HHLA1: variants seen among roughly 807,000 people sequenced by gnomAD.
HHLA1 encodes the protein HHLA1 neighbor of OC90.
Under a neutral mutation model 69.9 loss-of-function variants are expected in HHLA1, and 72 were observed. The observed-to-expected ratio is 1.03, with a 90% confidence interval of 0.85 to 1.25. The LOEUF (loss-of-function observed/expected upper bound fraction) is 1.25. Among genes scored for constraint, HHLA1 ranks in the 50% most tolerant of loss-of-function variants. HHLA1 has a pLI of 0.00. For synonymous variants in HHLA1, 252 were observed against 233.2 expected, an observed-to-expected ratio of 1.08 and a Z score of -0.73; for missense variants, 685 against 642.2, an observed-to-expected ratio of 1.07 and a Z score of -0.72.
chr8:132,080,207 C>T (rs1298987805), intron 10 of HHLA1: 15 of 615,674 alleles, frequency 2.4e-5, no homozygotes, highest in Admixed American at 6.5e-5. Context: ...GAATTAGTCT[C>T]CTCCATATGC....
In HHLA1 at chr8:132,079,756, G is replaced by A. The variant is rs1421669319; in HGVS notation, c.887C>T (p.Ala296Val). 10 of 1,551,432 alleles carry A rather than the reference G, an allele frequency of 6.4e-6. No homozygotes were observed. The highest frequency in any genetic ancestry group is 8.7e-6 in the Non-Finnish European group (10 of 1,146,916). Residue 296 changes from alanine to valine, a missense_variant, in exon 11 of 17, where the codon GCC becomes GTC. Physicochemically the swap from Ala to Val is moderately conservative, Grantham distance 64. Coordinates refer to ENST00000414222, the MANE Select transcript of HHLA1 (RefSeq NM_001145095.3). The stretch of plus-strand genomic sequence containing the variant: ...AGTGTGGGAGGCACTGAACCATGTG[G>A]CTGTGGCCCTGGCTGGAAGCTCAGG... ...RPPELPARAT[A>V]TWFSASHTLP...
At chr8:132,096,833 A>G (rs1357645188) in intron 5 of HHLA1, among the ~76,000 whole-genome samples, 1 of 152,146 alleles carries the variant, frequency 6.6e-6, no homozygotes, top group Admixed American at 6.5e-5. Context: ...TTTTTTAGAC[A>G]GGGTCTTGCT....
intron 15 of HHLA1, 30 bp from the exon 16 acceptor site, chr8:132,065,998 T>A: frequency 9.5e-7 from 1 of 1,048,986 alleles, no homozygotes; most frequent in South Asian, 1.3e-5. Flanking sequence ...CAGGGAGCAA[T>A]AACTATCCTG....
intron 1 of HHLA1, 33 bp downstream of exon 1, chr8:132,111,069 A>T (rs1054116364): frequency 6.6e-6 from 1 of 152,352 alleles, no homozygotes; most frequent in Admixed American, 6.5e-5. Flanking sequence ...AGGAACCAAA[A>T]GAGTTTTAAA....
intron 1 of HHLA1, among the ~76,000 whole-genome samples, chr8:132,109,636 T>C (rs1303257304): frequency 2.0e-5 from 3 of 152,094 alleles, no homozygotes; most frequent in Non-Finnish European, 4.4e-5. Context: ...TTACAGAAGA[T>C]AAAGGCCCAG....
chr8:132,069,387 A>C, intron 15 of HHLA1, among the ~76,000 whole-genome samples: 1 of 151,772 alleles, frequency 6.6e-6, no homozygotes, highest in East Asian at 1.9e-4. Flanking sequence ...TTTGTTTTTT[A>C]TCACAGAGGC....
At chr8:132,066,593 T>C (rs758848687) in intron 15 of HHLA1, among the ~76,000 whole-genome samples, 29 of 152,360 alleles carry the variant, frequency 1.9e-4, no homozygotes, top group Non-Finnish European at 3.5e-4. Context: ...TAGCTCATTG[T>C]ATGACTCTGG....
At chr8:132,109,841 C>A (rs988167775) in intron 1 of HHLA1, among the ~76,000 whole-genome samples, 8 of 152,120 alleles carry the variant, frequency 5.3e-5, no homozygotes, top group Admixed American at 1.3e-4. Flanking sequence ...CATTTCAAAG[C>A]ATTTTGGGAG....
chr8:132,107,906 T>C (rs1157297395), intron 1 of HHLA1, among the ~76,000 whole-genome samples: 1 of 152,228 alleles, frequency 6.6e-6, no homozygotes, highest in Non-Finnish European at 1.5e-5. Context: ...TGAGACTATC[T>C]GGCCTTACGC....
intron 10 of HHLA1, among the ~76,000 whole-genome samples, chr8:132,083,032 G>A (rs1382546177): frequency 6.9e-6 from 1 of 144,708 alleles, no homozygotes; most frequent in Non-Finnish European, 1.5e-5. Flanking sequence ...GGTAAGGGGT[G>A]CATGATTGGT....
intron 14 of HHLA1, among the ~76,000 whole-genome samples, chr8:132,072,663 T>C (rs1301095291): frequency 6.6e-6 from 1 of 152,200 alleles, no homozygotes; most frequent in Non-Finnish European, 1.5e-5. Context: ...AAAGGATTAC[T>C]GAATACCCTT....
Position 132,079,729 on chromosome 8 carries a change from A to G in HHLA1, c.914T>C (p.Leu305Pro). 1 of 1,548,346 alleles carries G rather than the reference A, an allele frequency of 6.5e-7. No individual in the cohort carries two copies. Among genetic ancestry groups the G allele is most frequent in the East Asian group, 2.4e-5 (1 of 40,888 alleles). ...AGAATGCATCTTACCCAAGGCTGGG[A>G]GAGTGTGGGAGGCACTGAACCATGT... ...TATWFSASHT[L>P]PALATRRVAR... The change falls in exon 11 of 17, where the codon CTC becomes CCC. Residue 305 changes from leucine (L) to proline (P), a missense_variant. Leu to Pro is a moderately conservative substitution (Grantham distance 98). Transcript: ENST00000414222.
Position 132,087,915 on chromosome 8 carries a change from G to A in HHLA1, c.533-14C>T, listed in dbSNP as rs368031734. On this transcript the variant is annotated splice_polypyrimidine_tract_variant and intron_variant, in intron 8 of 16. Coordinates refer to ENST00000414222, the MANE Select transcript of HHLA1 (RefSeq NM_001145095.3). The stretch of plus-strand genomic sequence containing the variant: ...TGCTTTGATTCACTGTAAGACAAAC[G>A]AGTATACAATAAGACTTAGCCATGG... 3.3e-4 allele frequency: 507 copies of A among 1,545,106 alleles called. No homozygotes were observed. The highest frequency in any genetic ancestry group is 4.2e-4 in the Non-Finnish European group (480 of 1,141,010).
intron 11 of HHLA1, among the ~76,000 whole-genome samples, chr8:132,078,854 T>C (rs1370436247): frequency 6.6e-6 from 1 of 152,204 alleles, no homozygotes; most frequent in Admixed American, 6.5e-5. Flanking sequence ...GATGACAATA[T>C]TGTCTCAGTG....
chr8:132,075,170 T>C (rs1026046486), intron 14 of HHLA1, among the ~76,000 whole-genome samples: 1 of 152,042 alleles, frequency 6.6e-6, no homozygotes, highest in African/African-American at 2.4e-5. Flanking sequence ...CACTATTCAC[T>C]GCAGGCTGAG....
intron 10 of HHLA1, chr8:132,080,563 A>T (rs1462532097): frequency 5.3e-6 from 1 of 190,044 alleles, no homozygotes; most frequent in African/African-American, 2.4e-5. Context: ...GTGGAATGTC[A>T]TCAGTTAAGG....
intron 5 of HHLA1, among the ~76,000 whole-genome samples, chr8:132,098,404 T>A (rs1824056315): frequency 6.6e-6 from 1 of 152,204 alleles, no homozygotes; most frequent in Non-Finnish European, 1.5e-5. Context: ...GCTCTCAAAA[T>A]TCTTGTAAAC....
At chr8:132,093,080 T>C (rs2130893322) in intron 7 of HHLA1, among the ~76,000 whole-genome samples, 1 of 152,278 alleles carries the variant, frequency 6.6e-6, no homozygotes, top group East Asian at 1.9e-4. Context: ...GAGAATGGGT[T>C]CCTATATGTA....
chr8:132,069,430 T>C (rs1823493554), intron 15 of HHLA1, among the ~76,000 whole-genome samples: 1 of 152,128 alleles, frequency 6.6e-6, no homozygotes. Context: ...TAATGCCACC[T>C]CCCCTACTCT....
Sources: gnomAD v4.1 joint callset for allele counts (sites outside exome capture counted in the v4.1 genomes callset) on GRCh38, gnomAD v4.1.1 for gene constraint, MANE v1.5 for transcripts, NCBI Gene and HGNC (gene_info 2026-07-23, HGNC 2026-07-21) for gene names.